KNTC1: variants seen among roughly 807,000 people sequenced by gnomAD.
KNTC1 encodes the protein kinetochore-associated protein 1.
KNTC1 carries 253 observed loss-of-function variants against 314.4 expected under a neutral mutation model. That is an observed-to-expected ratio of 0.80 (90% CI 0.73 to 0.89). The LOEUF (loss-of-function observed/expected upper bound fraction) is 0.89. Ranked by LOEUF, KNTC1 falls within the 40% of genes least tolerant of loss-of-function variation. The pLI is 0.00. For missense variants in KNTC1, 2,475 were observed against 2,572.9 expected, an observed-to-expected ratio of 0.96 and a Z score of 0.82; for synonymous variants, 901 against 901.4, an observed-to-expected ratio of 1.00 and a Z score of 0.01.
At chr12:122,575,492 T>C (rs1964954088) in intron 27 of KNTC1, 51 bp from the exon 28 acceptor site, 8 of 1,227,552 alleles carry the variant, frequency 6.5e-6, no homozygotes, top group South Asian at 1.3e-5. Context: ...TTCACTTGCA[T>C]GCATCGTAAA....
rs541250942 is a variant in KNTC1, at chr12:122,594,088, T to G, written c.4246-188T>G. The G allele has an allele frequency of 2.2e-5, 12 of 554,010 alleles. No individual in the cohort carries two copies. In the South Asian group the frequency reaches 2.6e-4, roughly 12 times the overall value. 34.3% of individuals were successfully genotyped at this position (554,010 alleles called of 1,614,324 possible). ...AATGGTTAGGATGACTAAGAGGAGT[T>G]TCGGACCCATGTACACCTCAAATCT... On this transcript the variant is annotated intron_variant, in intron 42 of 63. Coordinates refer to ENST00000333479, the MANE Select transcript of KNTC1 (RefSeq NM_014708.6).
chr12:122,604,234 G>A (rs1375312613), intron 48 of KNTC1, among the ~76,000 whole-genome samples: 5 of 144,652 alleles, frequency 3.5e-5, no homozygotes, highest in African/African-American at 7.9e-5. Flanking sequence ...GTGCAGTGGC[G>A]TGATCTTGGC....
At chr12:122,541,967 A>G (rs774381136) in intron 5 of KNTC1, 83 bp from the exon 6 acceptor site, 139 of 1,347,184 alleles carry the variant, frequency 1.0e-4, no homozygotes, top group Non-Finnish European at 1.3e-4. Flanking sequence ...GGGAGCCGAG[A>G]TCGCGCTGCT....
At chr12:122,554,079 ATATATAT>A (rs1963408291) in intron 16 of KNTC1, among the ~76,000 whole-genome samples, 1 of 118,348 alleles carries the variant, frequency 8.4e-6, no homozygotes, top group African/African-American at 4.3e-5. Context: ...AAAAAAAAAT[ATATATAT>A]ATATATATAT....
chr12:122,547,349 T>A (rs2137749358), intron 10 of KNTC1, 66 bp from the exon 11 acceptor site: 1 of 975,128 alleles, frequency 1.0e-6, no homozygotes, highest in Non-Finnish European at 1.6e-6. Flanking sequence ...CACTCCAGCC[T>A]GGGCGACAAG....
chr12:122,560,370 G>A (rs577951355), intron 18 of KNTC1, among the ~76,000 whole-genome samples: 1 of 152,048 alleles, frequency 6.6e-6, no homozygotes, highest in African/African-American at 2.4e-5. Flanking sequence ...TGGGTCATAT[G>A]CTAATTCTGT....
At chr12:122,604,093 A>G (rs893664961) in intron 48 of KNTC1, among the ~76,000 whole-genome samples, 4 of 151,722 alleles carry the variant, frequency 2.6e-5, no homozygotes, top group African/African-American at 9.7e-5. Flanking sequence ...ACTGACACAC[A>G]CACACAGAAA....
At chr12:122,536,811 C>T (rs1033911926) in intron 3 of KNTC1, among the ~76,000 whole-genome samples, 2 of 152,192 alleles carry the variant, frequency 1.3e-5, no homozygotes, top group African/African-American at 4.8e-5. Flanking sequence ...AGCCACTGCA[C>T]CCGGCCATTA....
At chr12:122,530,293 T>G in intron 2 of KNTC1, 101 bp downstream of exon 2, 1 of 965,076 alleles carries the variant, frequency 1.0e-6, no homozygotes, top group Non-Finnish European at 1.5e-6. Context: ...AACATAGCAC[T>G]TCCTCAGGGA....
chr12:122,543,609 A>G lies in KNTC1; in HGVS notation c.533A>G (p.Asn178Ser). The G allele has an allele frequency of 6.4e-7, 1 of 1,563,504 alleles. No individual in the cohort carries two copies. The highest frequency in any genetic ancestry group is 1.7e-4 in the Middle Eastern group (1 of 5,932). The change falls in exon 7 of 64, where the codon AAT (asparagine) becomes AGT (serine). Residue 178 changes from asparagine (N) to serine (S), a missense_variant. Asn to Ser is a conservative substitution (Grantham distance 46). Transcript: ENST00000333479. ...QLLKIQQAIE[N>S]VDFSTAKKLQ... ...TTCTTTTTTAATGCAGCAATTGAGA[A>G]TGTAGACTTCAGTACAGCAAAAAAG...
At chr12:122,531,202 C>A (rs1213653365) in intron 2 of KNTC1, among the ~76,000 whole-genome samples, 1 of 151,638 alleles carries the variant, frequency 6.6e-6, no homozygotes, top group East Asian at 1.9e-4. Flanking sequence ...AAAAAGAAAT[C>A]ATTCTTTATG....
At chr12:122,610,561 A>G (rs1026696600) in intron 52 of KNTC1, among the ~76,000 whole-genome samples, 1 of 152,262 alleles carries the variant, frequency 6.6e-6, no homozygotes, top group African/African-American at 2.4e-5. Context: ...TTAAGGGATC[A>G]GAGATTGACT....
rs1223923301 is a variant in KNTC1, at chr12:122,602,899, A to G, written c.4884+12A>G. The G allele has an allele frequency of 9.5e-6, 15 of 1,583,410 alleles. No individual in the cohort carries two copies. Among genetic ancestry groups the G allele is most frequent in the Non-Finnish European group, 2.6e-6 (3 of 1,153,546 alleles). Reference sequence around the variant, plus strand: ...CGAAATTAATGAAGGTAATGGATTAAAACATTGTAAGACATTTCTGTATCC... The same window carrying G: ...CGAAATTAATGAAGGTAATGGATTAGAACATTGTAAGACATTTCTGTATCC... On this transcript the variant is annotated intron_variant, in intron 47 of 63. Coordinates refer to ENST00000333479, the MANE Select transcript of KNTC1 (RefSeq NM_014708.6).
At chr12:122,568,478 T>A (rs1964485111) in intron 21 of KNTC1, 106 bp downstream of exon 21, 12 of 748,506 alleles carry the variant, frequency 1.6e-5, no homozygotes, top group Non-Finnish European at 2.6e-5. Flanking sequence ...GGTGATGGGA[T>A]GTTTTTTGAT....
In KNTC1 at chr12:122,624,588, G is replaced by T; in HGVS notation, c.6516-10G>T. 1.2e-6 allele frequency: 2 copies of T among 1,604,220 alleles called. No homozygotes were observed. Among genetic ancestry groups the T allele is most frequent in the South Asian group, 2.2e-5 (2 of 90,508 alleles). On this transcript the variant is annotated splice_polypyrimidine_tract_variant and intron_variant, in intron 62 of 63. Transcript: ENST00000333479. ...TGGCCTAACACTTCTTTTTCTTTTT[G>T]ATTTTGTAGTTTAGATGAAGCTTCA...
intron 33 of KNTC1, 35 bp downstream of exon 33, chr12:122,580,705 TG>T: frequency 7.2e-7 from 1 of 1,386,886 alleles, no homozygotes; most frequent in South Asian, 1.3e-5. Context: ...CATTATTACT[TG>T]ACCAATCAGT....
intron 12 of KNTC1, among the ~76,000 whole-genome samples, chr12:122,549,207 T>C (rs974432340): frequency 6.6e-6 from 1 of 151,228 alleles, no homozygotes; most frequent in African/African-American, 2.4e-5. Flanking sequence ...TGTGCACCAC[T>C]ATGTTCCAGC....
chr12:122,568,214 C>G, intron 20 of KNTC1, 47 bp from the exon 21 acceptor site: 1 of 899,766 alleles, frequency 1.1e-6, no homozygotes, highest in South Asian at 1.5e-5. Context: ...AAGGTATAAC[C>G]TTAATTTTTT....
chr12:122,573,024 A>C lies in KNTC1; in HGVS notation c.2107A>C (p.Asn703His), dbSNP rs763503709. 1 of 1,611,840 alleles carries C rather than the reference A, an allele frequency of 6.2e-7. No homozygotes were observed. The highest frequency in any genetic ancestry group is 2.2e-5 in the East Asian group (1 of 44,824). ...GTTGATCACGTTGCATAGGAAGTACAACTGCAAATTAGCCCTCTCTGATTT... is the reference window on the plus strand; with the variant it reads ...GTTGATCACGTTGCATAGGAAGTACCACTGCAAATTAGCCCTCTCTGATTT... ...RELITLHRKYNCKLALSDFEK... is the reference protein window; with the variant it reads ...RELITLHRKYHCKLALSDFEK... Residue 703 changes from asparagine (N) to histidine (H), a missense_variant, in exon 25 of 64, where the codon AAC (asparagine) becomes CAC (histidine). Physicochemically the swap from Asn to His is moderately conservative, Grantham distance 68. Coordinates refer to ENST00000333479, the MANE Select transcript of KNTC1 (RefSeq NM_014708.6).
Sources: allele counts gnomAD v4.1 joint callset (sites outside exome capture counted in the v4.1 genomes callset), GRCh38; gene constraint gnomAD v4.1.1; transcripts MANE v1.5; gene names NCBI Gene and HGNC (gene_info 2026-07-23, HGNC 2026-07-21).